PRKG1: variants seen among roughly 807,000 people sequenced by gnomAD.
PRKG1 encodes the protein cGMP-dependent protein kinase 1.
Under a neutral mutation model 88.1 loss-of-function variants are expected in PRKG1, and 35 were observed. That is an observed-to-expected ratio of 0.40 (90% CI 0.30 to 0.53). The LOEUF is 0.53. Ranked by LOEUF, PRKG1 falls within the 20% of genes least tolerant of loss-of-function variation. The pLI, the probability that PRKG1 is intolerant of heterozygous loss-of-function variation, is 0.59. For synonymous variants in PRKG1, 303 were observed against 292.5 expected, an observed-to-expected ratio of 1.04 and a Z score of -0.37; for missense variants, 540 against 839.8, an observed-to-expected ratio of 0.64 and a Z score of 4.41.
intron 2 of PRKG1, among the ~76,000 whole-genome samples, chr10:51,187,259 T>G (rs1837516160): frequency 1.3e-5 from 2 of 151,896 alleles, no homozygotes; most frequent in Non-Finnish European, 2.9e-5. Context: ...AGCTCCCATC[T>G]GGACCTTTCC....
At chr10:51,245,312 A>G (rs1564653326) in intron 2 of PRKG1, among the ~76,000 whole-genome samples, 1 of 152,098 alleles carries the variant, frequency 6.6e-6, no homozygotes, top group East Asian at 1.9e-4. Context: ...TATCTAGTGA[A>G]ATTAGCAGAA....
intron 5 of PRKG1, among the ~76,000 whole-genome samples, chr10:52,035,715 CG>C (rs1380743642): frequency 1.3e-5 from 2 of 151,766 alleles, no homozygotes; most frequent in Non-Finnish European, 2.9e-5. Flanking sequence ...CTGAAGGAGC[CG>C]GGGAGCAGAA....
chr10:51,912,223 G>A (rs1322527397), intron 5 of PRKG1, among the ~76,000 whole-genome samples: 1 of 152,200 alleles, frequency 6.6e-6, no homozygotes, highest in Admixed American at 6.5e-5. Context: ...GAATATTTGT[G>A]GATGGTGGTA....
chr10:51,950,397 C>T (rs12245187), intron 5 of PRKG1, among the ~76,000 whole-genome samples: 1 of 152,148 alleles, frequency 6.6e-6, no homozygotes, highest in African/African-American at 2.4e-5. Flanking sequence ...TTCAATTAGA[C>T]TTATATGAGA....
In PRKG1 at chr10:51,788,186, G is replaced by C. The variant is rs551053967; in HGVS notation, c.593-16399G>C. 2.6e-5 allele frequency among the ~76,000 whole-genome samples: 4 copies of C among 152,228 alleles called. No individual in the cohort carries two copies. The South Asian group carries it at 8.3e-4, about 32-fold the overall frequency. On this transcript the variant is annotated intron_variant, in intron 3 of 17. Coordinates refer to ENST00000373980, the MANE Select transcript of PRKG1 (RefSeq NM_006258.4). ...ACCAGTGATCCTTTTGTAAAATACAGATTCCACTGTGTCTTTCACCTGTGT... is the reference window on the plus strand; with the variant it reads ...ACCAGTGATCCTTTTGTAAAATACACATTCCACTGTGTCTTTCACCTGTGT...
At chr10:51,640,207 A>G (rs1402795813) in intron 3 of PRKG1, among the ~76,000 whole-genome samples, 3 of 152,192 alleles carry the variant, frequency 2.0e-5, no homozygotes, top group African/African-American at 7.2e-5. Context: ...ATGAAGTCTT[A>G]TTTCAGTGCA....
At chr10:51,697,862 C>A (rs775855256) in intron 3 of PRKG1, 1 of 1,613,950 alleles carries the variant, frequency 6.2e-7, no homozygotes. Flanking sequence ...CTGCCCAGGA[C>A]TAAAACTGCT....
chr10:51,877,971 TAA>T (rs1386270834), intron 4 of PRKG1, among the ~76,000 whole-genome samples: 2 of 152,200 alleles, frequency 1.3e-5, no homozygotes, highest in African/African-American at 4.8e-5. Context: ...AGGAATCAGT[TAA>T]CACTGGAAAT....
At chr10:51,518,123 G>A (rs1334407656) in intron 3 of PRKG1, among the ~76,000 whole-genome samples, 1 of 152,050 alleles carries the variant, frequency 6.6e-6, no homozygotes, top group Admixed American at 6.6e-5. Flanking sequence ...TCAGCCTCCC[G>A]AGTAGCTGGG....
chr10:51,970,644 A>C (rs957510153), intron 5 of PRKG1, among the ~76,000 whole-genome samples: 1 of 148,892 alleles, frequency 6.7e-6, no homozygotes, highest in Non-Finnish European at 1.5e-5. Context: ...CTAGTTTTGA[A>C]AACTTTGAAG....
At chr10:51,303,808 T>C (rs1365972059) in intron 2 of PRKG1, among the ~76,000 whole-genome samples, 1 of 151,938 alleles carries the variant, frequency 6.6e-6, no homozygotes, top group Admixed American at 6.6e-5. Context: ...TATCTATATA[T>C]ATATACACAC....
chr10:51,928,126 T>G (rs1031470835), intron 5 of PRKG1, among the ~76,000 whole-genome samples: 4 of 152,170 alleles, frequency 2.6e-5, no homozygotes, highest in Non-Finnish European at 5.9e-5. Context: ...CTGTCATTAC[T>G]TTCAGTGTCA....
intron 1 of PRKG1, among the ~76,000 whole-genome samples, chr10:51,124,158 T>C (rs1845338744): frequency 6.6e-6 from 1 of 152,188 alleles, no homozygotes; most frequent in South Asian, 2.1e-4. Context: ...AATCTACTTT[T>C]GATCAGAACC....
At chr10:51,657,316 C>T (rs528191260) in intron 3 of PRKG1, among the ~76,000 whole-genome samples, 2 of 152,096 alleles carry the variant, frequency 1.3e-5, no homozygotes, top group African/African-American at 2.4e-5. Context: ...TTGCTTCTGC[C>T]GTAACAACAG....
intron 3 of PRKG1, among the ~76,000 whole-genome samples, chr10:51,758,306 C>T (rs1253008436): frequency 1.3e-5 from 2 of 152,032 alleles, no homozygotes; most frequent in African/African-American, 4.8e-5. Context: ...CATAAAAATA[C>T]CAGTTCATTG....
At chr10:52,275,285 T>A (rs568114054) in intron 12 of PRKG1, among the ~76,000 whole-genome samples, 83 of 152,278 alleles carry the variant, frequency 5.5e-4, no homozygotes, top group African/African-American at 1.9e-3. Context: ...GTTTTTCCAA[T>A]GCTATCTTCT....
chr10:51,792,156 C>T (rs1838884554), intron 3 of PRKG1, among the ~76,000 whole-genome samples: 1 of 152,034 alleles, frequency 6.6e-6, no homozygotes, highest in Admixed American at 6.6e-5. Context: ...AAACAGCTCA[C>T]AAGTGATTGT....
intron 5 of PRKG1, among the ~76,000 whole-genome samples, chr10:52,053,092 A>T (rs574182830): frequency 1.2e-4 from 19 of 152,284 alleles, no homozygotes; most frequent in Admixed American, 2.0e-4. Context: ...TTTTATTTAG[A>T]AATAATTATT....
upstream of PRKG1, among the ~76,000 whole-genome samples, chr10:51,072,089 G>A (rs1354665247): frequency 6.6e-6 from 1 of 152,088 alleles, no homozygotes; most frequent in Non-Finnish European, 1.5e-5. Flanking sequence ...CAGCTACTCC[G>A]GAGGCTGAGG....
Sources: gnomAD v4.1 joint callset for allele counts (sites outside exome capture counted in the v4.1 genomes callset) on GRCh38, gnomAD v4.1.1 for gene constraint, MANE v1.5 for transcripts, NCBI Gene and HGNC (gene_info 2026-07-23, HGNC 2026-07-21) for gene names.